OPCML: variants seen among roughly 807,000 people sequenced by gnomAD.
The protein encoded by OPCML is opioid-binding protein/cell adhesion molecule.
Under a neutral mutation model 37.8 loss-of-function variants are expected in OPCML, and 13 were observed. The observed-to-expected ratio is 0.34, with a 90% CI of 0.22 to 0.55. The LOEUF is 0.55. Ranked by LOEUF, OPCML falls within the 20% of genes least tolerant of loss-of-function variation. The pLI is 0.91. For missense variants in OPCML, 341 were observed against 435.6 expected, an observed-to-expected ratio of 0.78 and a Z score of 1.93; for synonymous variants, 176 against 168.8, an observed-to-expected ratio of 1.04 and a Z score of -0.33.
At chr11:133,261,308 C>T (rs576325643) in intron 1 of OPCML, among the ~76,000 whole-genome samples, 4 of 152,320 alleles carry the variant, frequency 2.6e-5, no homozygotes, top group South Asian at 2.1e-4. Flanking sequence ...ATCTGATTGA[C>T]GGGTCTTGTA....
intron 2 of OPCML, among the ~76,000 whole-genome samples, chr11:132,737,717 A>G (rs1945307151): frequency 6.6e-6 from 1 of 152,162 alleles, no homozygotes; most frequent in Non-Finnish European, 1.5e-5. Context: ...TTTCTTGGGT[A>G]AAATTACTGG....
intron 1 of OPCML, among the ~76,000 whole-genome samples, chr11:133,059,655 G>A (rs903737847): frequency 1.3e-5 from 2 of 152,204 alleles, no homozygotes; most frequent in African/African-American, 2.4e-5. Flanking sequence ...TGAGATGGAA[G>A]GGTCACCCAG....
intron 1 of OPCML, among the ~76,000 whole-genome samples, chr11:133,073,477 G>A (rs952574272): frequency 6.6e-6 from 1 of 152,226 alleles, no homozygotes; most frequent in Admixed American, 6.5e-5. Flanking sequence ...AGGGAGCTGA[G>A]GGCAGTTCTC....
intron 1 of OPCML, among the ~76,000 whole-genome samples, chr11:133,294,145 T>C (rs1031581913): frequency 1.4e-5 from 2 of 147,882 alleles, no homozygotes; most frequent in African/African-American, 5.0e-5. Context: ...TGGGTCCATG[T>C]GGTACCATAG....
intron 1 of OPCML, among the ~76,000 whole-genome samples, chr11:133,186,660 A>G (rs1938090661): frequency 6.6e-6 from 1 of 152,194 alleles, no homozygotes; most frequent in South Asian, 2.1e-4. Context: ...TACTTAGGAC[A>G]TGTATATTAT....
chr11:133,338,624 G>T (rs79894464), intron 1 of OPCML, among the ~76,000 whole-genome samples: 2,781 of 152,298 alleles, frequency 0.018, 92 homozygotes, highest in African/African-American at 0.062. Flanking sequence ...CACTCTGTTA[G>T]GGCTGAAGTC....
At chr11:133,409,773 T>C (rs1182236253) in intron 1 of OPCML, among the ~76,000 whole-genome samples, 2 of 152,160 alleles carry the variant, frequency 1.3e-5, no homozygotes, top group Non-Finnish European at 2.9e-5. Context: ...CTAAGCACTA[T>C]GCACCATGCT....
chr11:132,714,224 C>T (rs1793257), intron 2 of OPCML, among the ~76,000 whole-genome samples: 11,158 of 152,222 alleles, frequency 0.073, 690 homozygotes, highest in African/African-American at 0.16. Context: ...TACTTCCTTT[C>T]CTTAAGATGT....
At chr11:133,159,805 A>G (rs766947921) in intron 1 of OPCML, among the ~76,000 whole-genome samples, 22 of 152,182 alleles carry the variant, frequency 1.4e-4, no homozygotes, top group Non-Finnish European at 4.4e-5. Flanking sequence ...ACCCTGACCT[A>G]TTCCAGCATC....
intron 2 of OPCML, among the ~76,000 whole-genome samples, chr11:132,804,362 C>T (rs1448923816): frequency 6.6e-6 from 1 of 152,098 alleles, no homozygotes; most frequent in Non-Finnish European, 1.5e-5. Flanking sequence ...TACAAGGTGG[C>T]AAACTAGAGA....
rs1334141642 is a variant in OPCML at position 132,517,004 on chromosome 11, C to T, written c.505+12057G>A. Among the ~76,000 whole-genome samples the T allele has an allele frequency of 4.6e-5, 7 of 152,250 alleles. No individual in the cohort carries two copies. The East Asian group carries it at 5.8e-4, about 13-fold the overall frequency. On this transcript the variant is annotated intron_variant, in intron 4 of 7. Transcript: ENST00000524381. Reference sequence around the variant, plus strand: ...AAAGTTAATCAATGACTCCAGGCCGCCACCTCTCTATCTCTTCTACATATG... The same window carrying T: ...AAAGTTAATCAATGACTCCAGGCCGTCACCTCTCTATCTCTTCTACATATG...
intron 1 of OPCML, among the ~76,000 whole-genome samples, chr11:133,488,816 C>G (rs540683216): frequency 6.6e-6 from 1 of 152,032 alleles, no homozygotes; most frequent in East Asian, 1.9e-4. Flanking sequence ...TACATGACTT[C>G]AAATTATACT....
At chr11:132,584,641 G>A (rs2096468735) in intron 3 of OPCML, among the ~76,000 whole-genome samples, 1 of 152,114 alleles carries the variant, frequency 6.6e-6, no homozygotes, top group Admixed American at 6.5e-5. Flanking sequence ...ACAGAACTGG[G>A]CTCCCTGATA....
intron 1 of OPCML, among the ~76,000 whole-genome samples, chr11:133,277,672 G>GT (rs1418395442): frequency 6.6e-6 from 1 of 151,874 alleles, no homozygotes; most frequent in Non-Finnish European, 1.5e-5. Context: ...TCCAGTACAT[G>GT]TATCCAGTGT....
intron 2 of OPCML, among the ~76,000 whole-genome samples, chr11:132,808,269 G>A (rs760716726): frequency 2.4e-4 from 36 of 152,320 alleles, no homozygotes; most frequent in African/African-American, 7.2e-4. Flanking sequence ...ACTATAGCAC[G>A]GTGGGAATGT....
intron 2 of OPCML, among the ~76,000 whole-genome samples, chr11:132,736,369 C>G (rs1251050936): frequency 2.6e-5 from 4 of 152,194 alleles, no homozygotes; most frequent in Admixed American, 2.6e-4. Flanking sequence ...TGGGGTAAAA[C>G]TTTTCAGTGC....
intron 4 of OPCML, among the ~76,000 whole-genome samples, chr11:132,485,545 C>A (rs2096197095): frequency 6.6e-6 from 1 of 152,194 alleles, no homozygotes; most frequent in African/African-American, 2.4e-5. Context: ...ATTCCCCCAC[C>A]ATGTGGCTCC....
At chr11:132,701,302 C>G (rs1309410439) in intron 2 of OPCML, among the ~76,000 whole-genome samples, 1 of 152,142 alleles carries the variant, frequency 6.6e-6, no homozygotes, top group Non-Finnish European at 1.5e-5. Flanking sequence ...CCCCATGATT[C>G]AATTATCTCT....
At chr11:132,816,849 G>A (rs1349946727) in intron 2 of OPCML, among the ~76,000 whole-genome samples, 1 of 152,082 alleles carries the variant, frequency 6.6e-6, no homozygotes, top group African/African-American at 2.4e-5. Context: ...GGGTATAGTC[G>A]ACAAATAAAC....
Sources: allele counts gnomAD v4.1 joint callset (sites outside exome capture counted in the v4.1 genomes callset), GRCh38; gene constraint gnomAD v4.1.1; transcripts MANE v1.5; gene names NCBI Gene and HGNC (gene_info 2026-07-23, HGNC 2026-07-21).